The following CACNA2D1 variants were observed in gnomAD, a reference collection of about 807,000 sequenced individuals.
The protein encoded by CACNA2D1 is calcium voltage-gated channel auxiliary subunit alpha2delta 1.
In CACNA2D1, 53 loss-of-function variants were observed where a neutral mutation model predicts 171.5. The ratio of observed to expected loss-of-function variants is 0.31; its 90% CI spans 0.25 to 0.39. The LOEUF (loss-of-function observed/expected upper bound fraction) is 0.39. CACNA2D1 is among the 10% of genes least tolerant of loss of function. The probability of loss-of-function intolerance (pLI) is 1.00; values close to 1 mark genes in which losing one functional copy is unlikely to be tolerated. For synonymous variants in CACNA2D1, 442 were observed against 443.1 expected (o/e 1.00, Z 0.03); for missense variants, 903 against 1,299.8 (o/e 0.69, Z 4.69).
At chr7:81,957,093 T>C (rs1003021691) in intron 38 of CACNA2D1, among the ~76,000 whole-genome samples, 1 of 152,128 alleles carries the variant, frequency 6.6e-6, no homozygotes, top group African/African-American at 2.4e-5. Context: ...CTGAAAGGAA[T>C]TGAAAGAGTG....
chr7:82,197,780 C>T (rs962342495), intron 3 of CACNA2D1, among the ~76,000 whole-genome samples: 3 of 150,628 alleles, frequency 2.0e-5, no homozygotes, highest in African/African-American at 7.3e-5. Context: ...CATATATTTT[C>T]TCCTTCTAAT....
chr7:82,245,453 C>T (rs11975821), intron 3 of CACNA2D1, among the ~76,000 whole-genome samples: 2,673 of 152,090 alleles, frequency 0.018, 83 homozygotes, highest in African/African-American at 0.061. Context: ...CAGAACTCCT[C>T]GGTTTGGTGT....
At chr7:82,164,678 T>A (rs181672107) in intron 4 of CACNA2D1, among the ~76,000 whole-genome samples, 92 of 152,082 alleles carry the variant, frequency 6.0e-4, no homozygotes, top group Non-Finnish European at 1.0e-3. Context: ...ATACCCTAAA[T>A]ATATGCTATT....
chr7:82,059,797 C>T (rs1806386813), intron 10 of CACNA2D1, among the ~76,000 whole-genome samples: 1 of 150,486 alleles, frequency 6.6e-6, no homozygotes, highest in Non-Finnish European at 1.5e-5. Context: ...ACATATACAC[C>T]ATGGAATACT....
chr7:82,239,400 A>C (rs1174154334), intron 3 of CACNA2D1, among the ~76,000 whole-genome samples: 1 of 152,094 alleles, frequency 6.6e-6, no homozygotes, highest in Non-Finnish European at 1.5e-5. Flanking sequence ...ATACTTTTTA[A>C]ATACTCAGCA....
At chr7:82,102,015 C>A (rs1177813807) in intron 6 of CACNA2D1, among the ~76,000 whole-genome samples, 6 of 151,998 alleles carry the variant, frequency 3.9e-5, no homozygotes, top group Admixed American at 3.3e-4. Context: ...TGGAAAGGAA[C>A]AAAAATGTAG....
chr7:82,235,437 CTTCTAAA>C (rs1384557470), intron 3 of CACNA2D1, among the ~76,000 whole-genome samples: 1 of 152,124 alleles, frequency 6.6e-6, no homozygotes, highest in Non-Finnish European at 1.5e-5. Context: ...GGGCAGGCTG[CTTCTAAA>C]GCACTGGCCA....
chr7:82,324,043 G>T (rs761869568), intron 3 of CACNA2D1, among the ~76,000 whole-genome samples: 3 of 152,094 alleles, frequency 2.0e-5, no homozygotes, highest in Non-Finnish European at 2.9e-5. Context: ...GCACTCTCTA[G>T]CACTGAGAGA....
intron 3 of CACNA2D1, among the ~76,000 whole-genome samples, chr7:82,175,308 C>A (rs1208572816): frequency 6.6e-6 from 1 of 151,986 alleles, no homozygotes; most frequent in Non-Finnish European, 1.5e-5. Flanking sequence ...AAAACAATTT[C>A]TTCAGCTAAT....
At chr7:82,371,189 G>A (rs1016785801) in intron 1 of CACNA2D1, among the ~76,000 whole-genome samples, 2 of 152,072 alleles carry the variant, frequency 1.3e-5, no homozygotes, top group South Asian at 2.1e-4. Flanking sequence ...AAATATTAAA[G>A]GCTAATTCAC....
intron 3 of CACNA2D1, among the ~76,000 whole-genome samples, chr7:82,311,458 C>T (rs1454820863): frequency 6.6e-6 from 1 of 152,002 alleles, no homozygotes; most frequent in South Asian, 2.1e-4. Context: ...GAGGACAAAA[C>T]TAATTTTTTA....
chr7:82,388,844 G>C (rs536790822), intron 1 of CACNA2D1, among the ~76,000 whole-genome samples: 17 of 152,120 alleles, frequency 1.1e-4, no homozygotes, highest in Admixed American at 7.9e-4. Context: ...GGCCGGGCAC[G>C]GTGGCTCACG....
At chr7:82,249,070 C>T (rs1014816543) in intron 3 of CACNA2D1, among the ~76,000 whole-genome samples, 11 of 150,644 alleles carry the variant, frequency 7.3e-5, no homozygotes, top group Admixed American at 3.3e-4. Flanking sequence ...GAGCTGAGAT[C>T]GCGCCACTGC....
In CACNA2D1 at chr7:82,010,375, C is replaced by CT. The variant is rs747804456; in HGVS notation, c.1362+1778dup. ...CAATGAATAGCAAATTCACGTGTTC[C>CT]TTTTTTTTTTTTTTTTACATTCAGT... is the stretch of plus-strand genomic sequence containing the variant. On this transcript the variant is annotated intron_variant, in intron 15 of 38. Coordinates refer to ENST00000356860, the MANE Select transcript of CACNA2D1 (RefSeq NM_000722.4). Among the ~76,000 whole-genome samples the CT allele has an allele frequency of 5.3e-3, 727 of 138,420 alleles. 2 individuals carry two copies. Among genetic ancestry groups the CT allele is most frequent in the Middle Eastern group, 0.011 (3 of 266 alleles). 90.8% of individuals were successfully genotyped at this position (138,420 alleles called of 152,430 possible). A position where few individuals can be genotyped will look rare whatever the true frequency, so the allele number is the denominator to read the frequency against.
chr7:82,061,514 C>A (rs1368583309), intron 9 of CACNA2D1, among the ~76,000 whole-genome samples: 1 of 152,160 alleles, frequency 6.6e-6, no homozygotes, highest in Non-Finnish European at 1.5e-5. Flanking sequence ...GACTAAATAG[C>A]CAGAAATCTC....
intron 6 of CACNA2D1, among the ~76,000 whole-genome samples, chr7:82,105,231 A>G (rs1242236774): frequency 6.6e-6 from 1 of 152,038 alleles, no homozygotes; most frequent in Non-Finnish European, 1.5e-5. Context: ...AAATACTAAG[A>G]GAAAATGATT....
rs532106802 is a variant in CACNA2D1, at chr7:82,400,314, T to C, written c.95+43051A>G. On this transcript the variant is annotated intron_variant, in intron 1 of 38. Transcript: ENST00000356860. ...GGGCAGTATGGCCATTTTCACGATA[T>C]TGATTCTTCCTACCCATGAGCATGG... Among the ~76,000 whole-genome samples the C allele has an allele frequency of 3.3e-5, 5 of 151,884 alleles. No individual in the cohort carries two copies. The South Asian group carries it at 1.0e-3, about 32-fold the overall frequency.
intron 6 of CACNA2D1, among the ~76,000 whole-genome samples, chr7:82,114,205 A>T (rs560780180): frequency 7.9e-4 from 120 of 152,308 alleles, no homozygotes; most frequent in African/African-American, 9.9e-4. Context: ...AAAATTTTTT[A>T]AAAATTTACG....
chr7:81,971,630 T>C (rs1321363280), intron 26 of CACNA2D1, 147 bp downstream of exon 26: 10 of 610,156 alleles, frequency 1.6e-5, no homozygotes, highest in Non-Finnish European at 2.9e-5. Flanking sequence ...AAAATGCAAG[T>C]TGTCAACAAC....
Sources: allele counts gnomAD v4.1 joint callset (sites outside exome capture counted in the v4.1 genomes callset), GRCh38; gene constraint gnomAD v4.1.1; transcripts MANE v1.5; gene names NCBI Gene and HGNC (gene_info 2026-07-23, HGNC 2026-07-21).